DCUN1D1: variants seen among roughly 807,000 people sequenced by gnomAD.
The protein encoded by DCUN1D1 is DCN1-like protein 1.
DCUN1D1 carries 3 observed loss-of-function variants against 39.0 expected under a neutral mutation model. That is an observed-to-expected ratio of 0.08 (90% CI 0.04 to 0.20). The LOEUF (loss-of-function observed/expected upper bound fraction) is 0.20, where lower values mean the gene tolerates loss of function less well. Among genes scored for constraint, DCUN1D1 ranks in the 10% least tolerant of loss-of-function variants. The probability of loss-of-function intolerance (pLI) is 1.00; values close to 1 mark genes in which losing one functional copy is unlikely to be tolerated. For missense variants in DCUN1D1, 158 were observed against 302.4 expected, an observed-to-expected ratio of 0.52 and a Z score of 3.54; for synonymous variants, 82 against 96.3, an observed-to-expected ratio of 0.85 and a Z score of 0.87.
At chr3:182,979,224 A>T (rs112068737) in intron 1 of DCUN1D1, among the ~76,000 whole-genome samples, 1 of 151,904 alleles carries the variant, frequency 6.6e-6, no homozygotes, top group East Asian at 1.9e-4. Flanking sequence ...GCCACAGAAC[A>T]TAAGTGTTAA....
intron 4 of DCUN1D1, among the ~76,000 whole-genome samples, chr3:182,957,893 G>A (rs1459295396): frequency 8.0e-6 from 1 of 125,500 alleles, no homozygotes; most frequent in Non-Finnish European, 1.6e-5. Context: ...AGCCACGATT[G>A]CACCACTGCA....
At chr3:182,978,931 G>A (rs1454798959) in intron 1 of DCUN1D1, among the ~76,000 whole-genome samples, 1 of 152,228 alleles carries the variant, frequency 6.6e-6, no homozygotes, top group Non-Finnish European at 1.5e-5. Context: ...CCACTGTCTA[G>A]GGGATGATGC....
upstream of DCUN1D1, among the ~76,000 whole-genome samples, chr3:182,985,266 T>A (rs186085436): frequency 7.2e-5 from 11 of 152,332 alleles, no homozygotes; most frequent in East Asian, 2.1e-3. Context: ...AAGAACCTTT[T>A]GGCTCACCCC....
At chr3:182,949,021 C>T (rs1577160129) in intron 4 of DCUN1D1, among the ~76,000 whole-genome samples, 2 of 149,530 alleles carry the variant, frequency 1.3e-5, no homozygotes, top group Admixed American at 1.3e-4. Flanking sequence ...CCACTCCAGT[C>T]TGGGCAAGAA....
At chr3:182,970,596 T>C (rs1727886780) in intron 1 of DCUN1D1, among the ~76,000 whole-genome samples, 1 of 152,218 alleles carries the variant, frequency 6.6e-6, no homozygotes, top group Admixed American at 6.5e-5. Context: ...ATTAATTTTC[T>C]AACTCAATTC....
intron 4 of DCUN1D1, among the ~76,000 whole-genome samples, chr3:182,949,048 C>CAA (rs779071128): frequency 1.6e-4 from 19 of 117,510 alleles, no homozygotes; most frequent in African/African-American, 4.0e-4. Flanking sequence ...AACTCCGTCT[C>CAA]AAAAAAAAAA....
Position 182,961,126 on chromosome 3 carries a change from A to G in DCUN1D1, c.520+100T>C, listed in dbSNP as rs994730479. 4.5e-6 allele frequency: 4 copies of G among 881,168 alleles called. No homozygotes were observed. In the African/African-American group the frequency reaches 7.0e-5, roughly 15 times the overall value. 54.6% of individuals were successfully genotyped at this position (881,168 alleles called of 1,614,324 possible). A position where few individuals can be genotyped will look rare whatever the true frequency, so the allele number is the denominator to read the frequency against. The stretch of plus-strand genomic sequence containing the variant: ...CTTTTCAATAACTGGTATTTTCATG[A>G]CTTTATGCTCAAAACACATAACTTT... On this transcript the variant is annotated intron_variant, in intron 4 of 6. Coordinates refer to ENST00000292782, the MANE Select transcript of DCUN1D1 (RefSeq NM_020640.4).
At position 182,944,326 on chromosome 3, in the gene DCUN1D1, A is replaced by C. The variant is rs1381014629; in HGVS notation, c.*768T>G. 1.3e-5 allele frequency: 2 copies of C among 152,624 alleles called. No homozygotes were observed. The highest frequency in any genetic ancestry group is 2.9e-5 in the Non-Finnish European group (2 of 68,016). 9.5% of individuals were successfully genotyped at this position (152,624 alleles called of 1,614,324 possible). On this transcript the variant is annotated 3_prime_UTR_variant, in exon 7 of 7. Transcript: ENST00000292782. The stretch of plus-strand genomic sequence containing the variant: ...TAGTGCATAATGTAGACAGGAGAAG[A>C]ATCTAACATTATGCAGACATTTTCT...
upstream of DCUN1D1, among the ~76,000 whole-genome samples, chr3:182,981,165 C>G (rs891212810): frequency 6.6e-5 from 10 of 152,072 alleles, no homozygotes; most frequent in Non-Finnish European, 1.2e-4. Flanking sequence ...CAGGCTCTCC[C>G]CAGACCTGTC....
At position 182,963,881 on chromosome 3, in the gene DCUN1D1, C is replaced by T; in HGVS notation, c.389G>A (p.Gly130Glu). 6 of 1,606,444 alleles carry T rather than the reference C, an allele frequency of 3.7e-6. No homozygotes were observed. Among genetic ancestry groups the T allele is most frequent in the Non-Finnish European group, 5.1e-6 (6 of 1,174,764 alleles). Residue 130 changes from glycine to glutamate, a missense_variant and splice_region_variant, in exon 3 of 7, where the codon GGA (glycine) becomes GAA (glutamate). Physicochemically the swap from Gly to Glu is moderately conservative, Grantham distance 98. Coordinates refer to ENST00000292782, the MANE Select transcript of DCUN1D1 (RefSeq NM_020640.4). ...TTTCCTATTGTAATTATATACTCAC[C>T]CTAATTCTGTCATGCCATCCATGAA... ...QEFMDGMTEL[G>E]CDSIEKLKAQ...
chr3:182,964,789 C>T (rs546506247), intron 2 of DCUN1D1, among the ~76,000 whole-genome samples: 12 of 151,992 alleles, frequency 7.9e-5, no homozygotes, highest in Admixed American at 4.6e-4. Context: ...TACAGGCACA[C>T]GCCACCACGC....
In DCUN1D1 at chr3:182,939,273, A is replaced by G. The variant is rs999283955; in HGVS notation, c.*5821T>C. On this transcript the variant is annotated 3_prime_UTR_variant, in exon 7 of 7. Coordinates refer to ENST00000292782, the MANE Select transcript of DCUN1D1 (RefSeq NM_020640.4). ...GCACTGTGGCAGGAATAGTTCTAGAAGTACAGCCACTTTGGAAAAAGTTCA... is the reference window on the plus strand; with the variant it reads ...GCACTGTGGCAGGAATAGTTCTAGAGGTACAGCCACTTTGGAAAAAGTTCA... 3 of 152,244 alleles carry G rather than the reference A, an allele frequency of 2.0e-5. No homozygotes were observed. The highest frequency in any genetic ancestry group is 7.2e-5 in the African/African-American group (3 of 41,468). 9.4% of individuals were successfully genotyped at this position (152,244 alleles called of 1,614,324 possible).
chr3:182,978,834 A>G (rs1728372883), intron 1 of DCUN1D1, among the ~76,000 whole-genome samples: 2 of 152,212 alleles, frequency 1.3e-5, no homozygotes, highest in Admixed American at 6.5e-5. Context: ...AATATTAACC[A>G]AAAGAATAGA....
rs115037115 is a variant in DCUN1D1 at position 182,963,860 on chromosome 3, C to A, written c.389+21G>T. The A allele has an allele frequency of 2.8e-4, 424 of 1,533,922 alleles. 1 individual carries two copies. The African/African-American group carries it at 5.4e-3, about 20-fold the overall frequency. Reference sequence around the variant, plus strand: ...GTTCCACAGTAACATATCTAATTTCCTATTGTAATTATATACTCACCCTAA... The same window carrying A: ...GTTCCACAGTAACATATCTAATTTCATATTGTAATTATATACTCACCCTAA... On this transcript the variant is annotated intron_variant, in intron 3 of 6. Transcript: ENST00000292782.
At chr3:182,967,506 A>G (rs144416908) in intron 1 of DCUN1D1, among the ~76,000 whole-genome samples, 165 of 152,308 alleles carry the variant, frequency 1.1e-3, no homozygotes, top group African/African-American at 3.7e-3. Flanking sequence ...GCAATATGAA[A>G]AATATCTATG....
intron 4 of DCUN1D1, chr3:182,955,512 G>A: frequency 5.6e-6 from 3 of 536,570 alleles, no homozygotes; most frequent in Non-Finnish European, 7.6e-6. Flanking sequence ...TTTTTAGGTT[G>A]GATAATGGTT....
chr3:182,961,405 T>G (rs769168770), intron 3 of DCUN1D1, 49 bp from the exon 4 acceptor site: 8 of 1,475,272 alleles, frequency 5.4e-6, no homozygotes, highest in Non-Finnish European at 6.5e-6. Context: ...TCACTATAAA[T>G]TAATAACTTA....
At chr3:182,985,496 G>T (rs532543549), upstream of DCUN1D1, 11 of 152,482 alleles carry the variant, frequency 7.2e-5, no homozygotes, top group African/African-American at 2.6e-4. Flanking sequence ...GGGTGTGGTG[G>T]CACATGCCTG....
upstream of DCUN1D1, among the ~76,000 whole-genome samples, chr3:182,981,805 C>T (rs1364940611): frequency 1.3e-5 from 2 of 152,252 alleles, no homozygotes; most frequent in African/African-American, 4.8e-5. Context: ...TGGGAGCGCC[C>T]AGCGCTGTAC....
Sources: allele counts gnomAD v4.1 joint callset (sites outside exome capture counted in the v4.1 genomes callset), GRCh38; gene constraint gnomAD v4.1.1; transcripts MANE v1.5; gene names NCBI Gene and HGNC (gene_info 2026-07-23, HGNC 2026-07-21).